MIR2052HG: variants seen among roughly 807,000 people sequenced by gnomAD.
MIR2052HG encodes the protein MIR2052 host gene.
intron 4 of MIR2052HG, among the ~76,000 whole-genome samples, chr8:74,734,310 C>T (rs1478743190): frequency 1.3e-5 from 2 of 152,168 alleles, no homozygotes; most frequent in Non-Finnish European, 2.9e-5. Context: ...TATCAGTCTG[C>T]TAAAACTGAT....
chr8:74,621,042 T>C (rs533971858), intron 2 of MIR2052HG, among the ~76,000 whole-genome samples: 1 of 152,234 alleles, frequency 6.6e-6, no homozygotes, highest in Non-Finnish European at 1.5e-5. Context: ...GCCACCATTC[T>C]CTTTGCATAG....
intron 1 of MIR2052HG, among the ~76,000 whole-genome samples, chr8:74,606,521 T>C (rs1023072481): frequency 3.3e-5 from 5 of 152,224 alleles, no homozygotes; most frequent in African/African-American, 4.8e-5. Context: ...AAGAATACTA[T>C]TTTAAAGTTC....
intron 1 of MIR2052HG, chr8:74,609,939 C>A (rs892965154): frequency 6.6e-6 from 1 of 151,098 alleles, no homozygotes; most frequent in Admixed American, 6.6e-5. Context: ...AACATTATAT[C>A]GAAACTTCCA....
At chr8:74,667,767 G>A (rs1375140193) in intron 2 of MIR2052HG, among the ~76,000 whole-genome samples, 1 of 152,072 alleles carries the variant, frequency 6.6e-6, no homozygotes, top group Non-Finnish European at 1.5e-5. Flanking sequence ...CATTAATTGT[G>A]GGCATGGGAT....
At chr8:74,611,843 G>C (rs150845720) in intron 1 of MIR2052HG, among the ~76,000 whole-genome samples, 137 of 152,340 alleles carry the variant, frequency 9.0e-4, no homozygotes, top group African/African-American at 3.2e-3. Flanking sequence ...TGGAATGCCA[G>C]TAGAGGAAAT....
At chr8:74,619,922 C>T (rs1050056342) in intron 2 of MIR2052HG, among the ~76,000 whole-genome samples, 2 of 152,172 alleles carry the variant, frequency 1.3e-5, no homozygotes, top group African/African-American at 4.8e-5. Context: ...AATCCAAAGT[C>T]TCATCTGAGA....
chr8:74,673,598 C>T (rs1282212990), intron 2 of MIR2052HG, among the ~76,000 whole-genome samples: 3 of 151,894 alleles, frequency 2.0e-5, no homozygotes, highest in South Asian at 2.1e-4. Context: ...AAAAGCAGGA[C>T]AAATTTTATA....
intron 2 of MIR2052HG, among the ~76,000 whole-genome samples, chr8:74,635,734 T>A (rs1338831225): frequency 6.6e-6 from 1 of 152,158 alleles, no homozygotes; most frequent in Non-Finnish European, 1.5e-5. Context: ...ATCCAACCTT[T>A]GGTCAGGAGC....
At chr8:74,659,096 A>G (rs1808835592) in intron 2 of MIR2052HG, among the ~76,000 whole-genome samples, 1 of 152,226 alleles carries the variant, frequency 6.6e-6, no homozygotes, top group African/African-American at 2.4e-5. Flanking sequence ...CAAAGAAACT[A>G]ACCTGAACTT....
intron 2 of MIR2052HG, among the ~76,000 whole-genome samples, chr8:74,685,904 C>T (rs1030217756): frequency 5.3e-5 from 8 of 151,906 alleles, no homozygotes; most frequent in African/African-American, 1.4e-4. Context: ...AATTTTAAAT[C>T]GTTTAAAAAT....
intron 2 of MIR2052HG, among the ~76,000 whole-genome samples, chr8:74,662,476 C>G (rs562829505): frequency 6.6e-6 from 1 of 152,078 alleles, no homozygotes; most frequent in Non-Finnish European, 1.5e-5. Context: ...AGGTCAAATA[C>G]CTAGTGCATG....
chr8:74,605,036 A>G (rs1808091564), intron 1 of MIR2052HG, among the ~76,000 whole-genome samples: 1 of 152,150 alleles, frequency 6.6e-6, no homozygotes, highest in Admixed American at 6.5e-5. Flanking sequence ...GTTTTTTGTC[A>G]CTGTGTCTTA....
chr8:74,600,628 T>G (rs932081373), intron 1 of MIR2052HG, among the ~76,000 whole-genome samples: 3 of 148,152 alleles, frequency 2.0e-5, no homozygotes, highest in Non-Finnish European at 3.0e-5. Flanking sequence ...CAGGCTGGAG[T>G]GCGGTGGCAC....
chr8:74,711,043 T>A (rs2128741755), intron 4 of MIR2052HG, among the ~76,000 whole-genome samples: 1 of 152,312 alleles, frequency 6.6e-6, no homozygotes, highest in Admixed American at 6.5e-5. Flanking sequence ...TCCCTACTTT[T>A]GACATTTTTC....
intron 4 of MIR2052HG, among the ~76,000 whole-genome samples, chr8:74,725,864 T>C (rs1260755776): frequency 6.6e-6 from 1 of 151,424 alleles, no homozygotes; most frequent in Non-Finnish European, 1.5e-5. Context: ...GCTGTTATCA[T>C]GGGAGACTTT....
chr8:74,692,375 A>G (rs940416518), intron 2 of MIR2052HG, among the ~76,000 whole-genome samples: 1 of 152,212 alleles, frequency 6.6e-6, no homozygotes, highest in Non-Finnish European at 1.5e-5. Flanking sequence ...TGAATTGAAC[A>G]TTTCAATTGC....
At chr8:74,725,045 T>A (rs1809619755) in intron 4 of MIR2052HG, among the ~76,000 whole-genome samples, 1 of 152,120 alleles carries the variant, frequency 6.6e-6, no homozygotes, top group African/African-American at 2.4e-5. Flanking sequence ...CAAGTCCGTA[T>A]TAAATCCCCT....
intron 4 of MIR2052HG, among the ~76,000 whole-genome samples, chr8:74,708,446 A>G (rs2128741518): frequency 6.6e-6 from 1 of 152,236 alleles, no homozygotes; most frequent in South Asian, 2.1e-4. Context: ...AGAAGATTGG[A>G]AGAAGATGGG....
chr8:74,680,590 C>T (rs1206158430), intron 2 of MIR2052HG, among the ~76,000 whole-genome samples: 6 of 152,108 alleles, frequency 3.9e-5, no homozygotes, highest in African/African-American at 7.2e-5. Context: ...TGTGGAGAAA[C>T]AGGAACACTT....
Sources: allele counts gnomAD v4.1 joint callset (sites outside exome capture counted in the v4.1 genomes callset), GRCh38; gene constraint gnomAD v4.1.1; transcripts MANE v1.5; gene names NCBI Gene and HGNC (gene_info 2026-07-23, HGNC 2026-07-21).